Variants in ENOX1 observed in about 807,000 individuals in gnomAD.
ENOX1 encodes the protein ecto-NOX disulfide-thiol exchanger 1, also known as candidate growth-related and time keeping constitutive hydroquinone (NADH) oxidase.
A neutral mutation model predicts 82.5 loss-of-function variants in ENOX1; 42 were observed. The ratio of observed to expected loss-of-function variants is 0.51; its 90% confidence interval spans 0.40 to 0.66. The LOEUF is 0.66. Ranked by LOEUF, ENOX1 falls within the 30% of genes least tolerant of loss-of-function variation. ENOX1 has a pLI of 0.00. For synonymous variants in ENOX1, 271 were observed against 282.2 expected (o/e 0.96, Z 0.40); for missense variants, 608 against 811.6 (o/e 0.75, Z 3.05).
intron 2 of ENOX1, among the ~76,000 whole-genome samples, chr13:43,604,314 T>C (rs1026626910): frequency 3.3e-5 from 5 of 152,006 alleles, no homozygotes; most frequent in Non-Finnish European, 5.9e-5. Flanking sequence ...GTTGCGAAAA[T>C]TTTCTCCCAT....
intron 2 of ENOX1, among the ~76,000 whole-genome samples, chr13:43,572,197 C>T (rs762308178): frequency 2.6e-5 from 4 of 152,120 alleles, no homozygotes; most frequent in Admixed American, 6.5e-5. Flanking sequence ...CCAGCCCTTC[C>T]ATGCTCACAT....
intron 1 of ENOX1, among the ~76,000 whole-genome samples, chr13:43,774,034 A>T (rs546187282): frequency 2.6e-5 from 4 of 152,262 alleles, no homozygotes; most frequent in African/African-American, 9.6e-5. Context: ...ACTTCTTAGA[A>T]TCAGCTCAAT....
intron 12 of ENOX1, among the ~76,000 whole-genome samples, chr13:43,270,792 TA>T (rs1339405493): frequency 2.0e-5 from 3 of 152,234 alleles, no homozygotes; most frequent in African/African-American, 7.2e-5. Flanking sequence ...TGCAATTTTC[TA>T]AAAGCTCAGT....
intron 2 of ENOX1, among the ~76,000 whole-genome samples, chr13:43,489,861 G>C (rs1463047093): frequency 6.6e-6 from 1 of 152,106 alleles, no homozygotes. Context: ...AGACTTACTT[G>C]GGACCTGTTA....
At chr13:43,602,058 T>C (rs952304374) in intron 2 of ENOX1, among the ~76,000 whole-genome samples, 1 of 152,034 alleles carries the variant, frequency 6.6e-6, no homozygotes, top group Admixed American at 6.6e-5. Context: ...TGAAGAATTA[T>C]GAAGGAAATT....
chr13:43,630,625 T>G (rs1462351757), intron 2 of ENOX1, among the ~76,000 whole-genome samples: 1 of 151,436 alleles, frequency 6.6e-6, no homozygotes, highest in African/African-American at 2.4e-5. Context: ...ATAGAGGGTG[T>G]GTGTACAGAT....
At chr13:43,353,137 TCTGG>T (rs1434155705) in intron 8 of ENOX1, among the ~76,000 whole-genome samples, 1 of 152,202 alleles carries the variant, frequency 6.6e-6, no homozygotes, top group Non-Finnish European at 1.5e-5. Flanking sequence ...TCCATGTACA[TCTGG>T]TCATGCCCAG....
intron 7 of ENOX1, 23 bp downstream of exon 7, chr13:43,359,828 A>T (rs1265195382): frequency 6.2e-7 from 1 of 1,604,968 alleles, no homozygotes; most frequent in Non-Finnish European, 8.5e-7. Context: ...TGCCTAGAAA[A>T]CTCCTTATGT....
chr13:43,652,787 A>C (rs1418365818), intron 2 of ENOX1, among the ~76,000 whole-genome samples: 1 of 152,202 alleles, frequency 6.6e-6, no homozygotes, highest in African/African-American at 2.4e-5. Flanking sequence ...GGAAGAAGTA[A>C]GCAAGCTGAG....
At chr13:43,530,577 T>A (rs1428391333) in intron 2 of ENOX1, among the ~76,000 whole-genome samples, 1 of 152,126 alleles carries the variant, frequency 6.6e-6, no homozygotes, top group African/African-American at 2.4e-5. Flanking sequence ...TCCCATGCTG[T>A]GTGTAGAATA....
intron 1 of ENOX1, among the ~76,000 whole-genome samples, chr13:43,719,649 A>G (rs191808600): frequency 1.9e-3 from 285 of 152,290 alleles, no homozygotes; most frequent in Admixed American, 3.3e-3. Flanking sequence ...ACTAACCACC[A>G]GAGAACCCTA....
intron 14 of ENOX1, among the ~76,000 whole-genome samples, chr13:43,245,326 G>C (rs2043031301): frequency 6.6e-6 from 1 of 152,196 alleles, no homozygotes; most frequent in Non-Finnish European, 1.5e-5. Context: ...CCTGCTCTGT[G>C]CCCTTTTCCC....
intron 3 of ENOX1, among the ~76,000 whole-genome samples, chr13:43,436,904 A>G: frequency 6.6e-6 from 1 of 152,228 alleles, no homozygotes. Context: ...ATGCCACTGT[A>G]GAAATCACTA....
At chr13:43,492,467 G>C (rs1281709843) in intron 2 of ENOX1, among the ~76,000 whole-genome samples, 1 of 152,132 alleles carries the variant, frequency 6.6e-6, no homozygotes, top group Non-Finnish European at 1.5e-5. Flanking sequence ...CCTTAATCTT[G>C]CTTAAATTGC....
chr13:43,768,385 T>G (rs1336457653), intron 1 of ENOX1, among the ~76,000 whole-genome samples: 1 of 152,208 alleles, frequency 6.6e-6, no homozygotes, highest in Non-Finnish European at 1.5e-5. Flanking sequence ...GAGGATCACT[T>G]GAGGCCAGGA....
intron 2 of ENOX1, among the ~76,000 whole-genome samples, chr13:43,525,796 C>T (rs1307822929): frequency 1.3e-5 from 2 of 152,016 alleles, no homozygotes; most frequent in African/African-American, 4.8e-5. Flanking sequence ...AATGTCTTTT[C>T]CAGTCCTTTG....
At chr13:43,718,019 A>G (rs754485919) in intron 1 of ENOX1, among the ~76,000 whole-genome samples, 15 of 152,204 alleles carry the variant, frequency 9.9e-5, no homozygotes, top group Non-Finnish European at 2.2e-4. Context: ...TGAGCTAGCA[A>G]CTCACTACTG....
chr13:43,355,786 A>G, intron 8 of ENOX1, 133 bp downstream of exon 8: 6 of 934,044 alleles, frequency 6.4e-6, no homozygotes, highest in Non-Finnish European at 8.2e-6. Flanking sequence ...TGCTTACACC[A>G]GACTCTTACA....
chr13:43,355,729 C>T (rs1594112094), intron 8 of ENOX1, among the ~76,000 whole-genome samples, 190 bp downstream of exon 8: 2 of 152,292 alleles, frequency 1.3e-5, no homozygotes, highest in South Asian at 2.1e-4. Flanking sequence ...TCTGCAGCTT[C>T]CAGGAGACCC....
Sources: allele counts gnomAD v4.1 joint callset (sites outside exome capture counted in the v4.1 genomes callset), GRCh38; gene constraint gnomAD v4.1.1; transcripts MANE v1.5; gene names NCBI Gene and HGNC (gene_info 2026-07-23, HGNC 2026-07-21).